Variants in APBA2 observed in about 807,000 individuals in gnomAD.
The protein encoded by APBA2 is amyloid-beta A4 precursor protein-binding family A member 2.
Under a neutral mutation model 75.0 loss-of-function variants are expected in APBA2, and 30 were observed. That is an observed-to-expected ratio of 0.40 (90% confidence interval 0.30 to 0.54). APBA2 has a LOEUF of 0.54. Among genes scored for constraint, APBA2 ranks in the 20% least tolerant of loss-of-function variants. APBA2 has a pLI of 0.49. For synonymous variants in APBA2, 444 were observed against 409.6 expected (o/e 1.08, Z -1.01); for missense variants, 801 against 1,016.1 (o/e 0.79, Z 2.88).
At chr15:29,058,073 C>G (rs1219191054) in intron 4 of APBA2, among the ~76,000 whole-genome samples, 3 of 152,192 alleles carry the variant, frequency 2.0e-5, no homozygotes, top group Non-Finnish European at 4.4e-5. Context: ...TTCACCATCT[C>G]TGCAGCATTT....
At chr15:29,094,119 G>A (rs1442789631) in intron 7 of APBA2, among the ~76,000 whole-genome samples, 159 bp from the exon 8 acceptor site, 1 of 152,248 alleles carries the variant, frequency 6.6e-6, no homozygotes, top group African/African-American at 2.4e-5. Context: ...TGGTCAGTGT[G>A]TGTGCTTGAA....
intron 3 of APBA2, among the ~76,000 whole-genome samples, chr15:28,997,771 C>T (rs907916024): frequency 6.6e-6 from 1 of 152,108 alleles, no homozygotes; most frequent in Non-Finnish European, 1.5e-5. Context: ...TAGAAAAGAC[C>T]TACTGGAATT....
intron 8 of APBA2, among the ~76,000 whole-genome samples, chr15:29,095,631 C>G (rs528191505): frequency 1.3e-5 from 2 of 152,222 alleles, no homozygotes; most frequent in African/African-American, 4.8e-5. Context: ...AGATTTAGTT[C>G]CCCCTCCCTG....
intron 9 of APBA2, among the ~76,000 whole-genome samples, chr15:29,100,947 C>G (rs182212764): frequency 1.1e-3 from 173 of 152,324 alleles, no homozygotes; most frequent in African/African-American, 4.0e-3. Context: ...GTGACTTTGA[C>G]TGTAAATCAT....
At chr15:28,935,369 TC>T (rs796208938) in intron 2 of APBA2, among the ~76,000 whole-genome samples, 41 of 151,898 alleles carry the variant, frequency 2.7e-4, no homozygotes, top group African/African-American at 9.9e-4. Flanking sequence ...CAGTTTAGGG[TC>T]CAGGCGGGTG....
intron 6 of APBA2, among the ~76,000 whole-genome samples, chr15:29,077,925 G>A (rs975944635): frequency 4.6e-5 from 7 of 152,192 alleles, no homozygotes; most frequent in East Asian, 1.9e-4. Flanking sequence ...ATTAAACACC[G>A]TTATCAGTTT....
chr15:28,945,457 G>A (rs1566827494), intron 2 of APBA2, among the ~76,000 whole-genome samples: 1 of 151,992 alleles, frequency 6.6e-6, no homozygotes, highest in Non-Finnish European at 1.5e-5. Context: ...AGGGAGAAGT[G>A]CAGTTTTGTG....
intron 3 of APBA2, among the ~76,000 whole-genome samples, chr15:28,999,268 T>C (rs1190893768): frequency 2.6e-5 from 4 of 152,180 alleles, no homozygotes. Context: ...AAAGATGGAT[T>C]AATCAAACAT....
intron 1 of APBA2, among the ~76,000 whole-genome samples, chr15:28,912,788 CT>C (rs2033492372): frequency 6.6e-6 from 1 of 152,208 alleles, no homozygotes; most frequent in Non-Finnish European, 1.5e-5. Context: ...TTATTTTGTT[CT>C]TTTTCCCTAG....
At chr15:28,944,192 A>G (rs1042892497) in intron 2 of APBA2, among the ~76,000 whole-genome samples, 3 of 152,216 alleles carry the variant, frequency 2.0e-5, no homozygotes, top group African/African-American at 7.2e-5. Flanking sequence ...ACATCAGATA[A>G]GAGACATTGG....
chr15:28,899,155 G>A lies in APBA2; in HGVS notation c.-205+12877G>A, dbSNP rs549596816. Among the ~76,000 whole-genome samples the A allele has an allele frequency of 7.9e-5, 12 of 152,324 alleles. 1 individual carries two copies. The South Asian group carries it at 2.3e-3, about 29-fold the overall frequency. On this transcript the variant is annotated intron_variant, in intron 1 of 14. Coordinates refer to ENST00000683413, the MANE Select transcript of APBA2 (RefSeq NM_001353788.2). Reference sequence around the variant, plus strand: ...TCATCGGGGGCAGCCCCATGTCCTCGCAGCCCAGAAGTCCTGGGTGGAGGT... The same window carrying A: ...TCATCGGGGGCAGCCCCATGTCCTCACAGCCCAGAAGTCCTGGGTGGAGGT...
chr15:28,954,192 T>C (rs116535740), intron 2 of APBA2, among the ~76,000 whole-genome samples: 4,646 of 152,226 alleles, frequency 0.031, 250 homozygotes, highest in African/African-American at 0.11. Flanking sequence ...GAGCCTGTCA[T>C]CTCCTTGCTA....
At chr15:28,925,255 T>C (rs576494321) in intron 2 of APBA2, among the ~76,000 whole-genome samples, 3 of 152,350 alleles carry the variant, frequency 2.0e-5, no homozygotes, top group Non-Finnish European at 2.9e-5. Context: ...ATAATTCTTT[T>C]TAAACGTTGT....
intron 3 of APBA2, among the ~76,000 whole-genome samples, chr15:29,044,735 A>G (rs2041218188): frequency 6.6e-6 from 1 of 152,234 alleles, no homozygotes; most frequent in Admixed American, 6.5e-5. Context: ...GAAACAGAAT[A>G]AACAGCATTA....
intron 2 of APBA2, among the ~76,000 whole-genome samples, chr15:28,964,026 G>T (rs1397274360): frequency 6.6e-6 from 1 of 152,234 alleles, no homozygotes; most frequent in South Asian, 2.1e-4. Flanking sequence ...CACATGCACA[G>T]TCCCTCTTCC....
At chr15:28,927,007 C>T (rs1478776777) in intron 2 of APBA2, among the ~76,000 whole-genome samples, 1 of 151,988 alleles carries the variant, frequency 6.6e-6, no homozygotes, top group African/African-American at 2.4e-5. Context: ...CAGGCGCCAG[C>T]CACCATGCCT....
chr15:29,015,786 G>A (rs2039628651), intron 3 of APBA2, among the ~76,000 whole-genome samples: 1 of 152,186 alleles, frequency 6.6e-6, no homozygotes, highest in African/African-American at 2.4e-5. Context: ...CAAGAGTGAA[G>A]GGAGTTCGGA....
At chr15:29,060,773 G>A (rs2042097945) in intron 4 of APBA2, among the ~76,000 whole-genome samples, 1 of 152,062 alleles carries the variant, frequency 6.6e-6, no homozygotes, top group African/African-American at 2.4e-5. Flanking sequence ...GAGCTTTGTT[G>A]ACATAACGTA....
chr15:29,106,841 GC>G, intron 12 of APBA2, 22 bp downstream of exon 12: 1 of 1,603,010 alleles, frequency 6.2e-7, no homozygotes, highest in Non-Finnish European at 8.5e-7. Context: ...GGGATCCTCC[GC>G]CCAGGGGTCA....
Sources: allele counts gnomAD v4.1 joint callset (sites outside exome capture counted in the v4.1 genomes callset), GRCh38; gene constraint gnomAD v4.1.1; transcripts MANE v1.5; gene names NCBI Gene and HGNC (gene_info 2026-07-23, HGNC 2026-07-21).